Variants in RHOBTB1 observed in about 807,000 individuals in gnomAD.
The protein encoded by RHOBTB1 is Rho related BTB domain containing 1, also known as rho-related BTB domain-containing protein 1.
RHOBTB1 carries 40 observed loss-of-function variants against 71.6 expected under a neutral mutation model. The ratio of observed to expected loss-of-function variants is 0.56; its 90% confidence interval spans 0.43 to 0.73. RHOBTB1 has a LOEUF of 0.73. Among genes scored for constraint, RHOBTB1 ranks in the 30% least tolerant of loss-of-function variants. The pLI, the probability that RHOBTB1 is intolerant of heterozygous loss-of-function variation, is 0.00. For missense variants in RHOBTB1, 797 were observed against 894.0 expected, an observed-to-expected ratio of 0.89 and a Z score of 1.38; for synonymous variants, 319 against 334.9, an observed-to-expected ratio of 0.95 and a Z score of 0.52.
intron 7 of RHOBTB1, among the ~76,000 whole-genome samples, chr10:60,882,810 G>A (rs1486321744): frequency 5.3e-5 from 8 of 152,098 alleles, no homozygotes; most frequent in Non-Finnish European, 7.4e-5. Flanking sequence ...AGGGAACTGG[G>A]GGCTTTTTAA....
chr10:60,895,800 A>T (rs1174157829), intron 4 of RHOBTB1, among the ~76,000 whole-genome samples: 2 of 152,284 alleles, frequency 1.3e-5, no homozygotes, highest in South Asian at 2.1e-4. Flanking sequence ...TTACATAAAG[A>T]TTACACAGAA....
At chr10:60,934,658 C>G (rs577652760) in intron 2 of RHOBTB1, among the ~76,000 whole-genome samples, 2 of 152,278 alleles carry the variant, frequency 1.3e-5, no homozygotes, top group Non-Finnish European at 2.9e-5. Context: ...TACTTGAAGC[C>G]TCTTTCCAGG....
At chr10:60,861,862 A>G in the RHOBTB1 span, among the ~76,000 whole-genome samples, 2 of 152,230 alleles carry the variant, frequency 1.3e-5, no homozygotes, top group Non-Finnish European at 2.9e-5. Flanking sequence ...CTAATGGTCA[A>G]TAAAACCATT....
intron 2 of RHOBTB1, among the ~76,000 whole-genome samples, chr10:60,938,760 T>G (rs1159896310): frequency 6.6e-6 from 1 of 152,162 alleles, no homozygotes; most frequent in Non-Finnish European, 1.5e-5. Flanking sequence ...AAATATATAT[T>G]CAAGTTCTTA....
At chr10:60,880,148 A>T (rs1200238135) in intron 7 of RHOBTB1, among the ~76,000 whole-genome samples, 1 of 148,172 alleles carries the variant, frequency 6.7e-6, no homozygotes, top group Non-Finnish European at 1.5e-5. Context: ...TGGTCCTGGA[A>T]CCAGTCCCTC....
At chr10:60,997,872 C>T (rs975219581) in intron 1 of RHOBTB1, among the ~76,000 whole-genome samples, 1 of 152,216 alleles carries the variant, frequency 6.6e-6, no homozygotes, top group African/African-American at 2.4e-5. Context: ...CTCCTTACTG[C>T]TGTTGACTGG....
chr10:60,927,101 G>T (rs191321934), intron 2 of RHOBTB1, among the ~76,000 whole-genome samples: 1 of 152,076 alleles, frequency 6.6e-6, no homozygotes, highest in African/African-American at 2.4e-5. Context: ...AAGAAATCAA[G>T]AAAGTAATCC....
chr10:60,865,774 A>C (rs1347447945), downstream of RHOBTB1, among the ~76,000 whole-genome samples: 1 of 152,028 alleles, frequency 6.6e-6, no homozygotes, highest in Non-Finnish European at 1.5e-5. Context: ...TTCCCTTCCC[A>C]CACATGCCTA....
chr10:60,892,481 T>G (rs1287169478), intron 5 of RHOBTB1, among the ~76,000 whole-genome samples: 1 of 152,220 alleles, frequency 6.6e-6, no homozygotes, highest in Non-Finnish European at 1.5e-5. Flanking sequence ...AATTATAATT[T>G]CAAGGATGAC....
rs758372328 is a variant in RHOBTB1 at position 60,911,421 on chromosome 10, G to A, written c.122C>T (p.Thr41Met). The A allele has an allele frequency of 6.2e-6, 10 of 1,614,054 alleles. No homozygotes were observed. In the Admixed American group the frequency reaches 6.7e-5, roughly 11 times the overall value. The change falls in exon 3 of 11, where the codon ACG becomes ATG. Residue 41 changes from threonine (T) to methionine (M), a missense_variant. Thr to Met is a moderately conservative substitution (Grantham distance 81). Transcript: ENST00000337910. ...GTGGGTGGCCAGCAGCTGATACTGC[G>A]TGAGTGTGGTGTTGCACGCCCTGGC... ...ICARACNTTLTQYQLLATHVP... is the reference protein window; with the variant it reads ...ICARACNTTLMQYQLLATHVP...
Position 60,888,883 on chromosome 10 carries a change from T to C in RHOBTB1, c.785A>G (p.Asn262Ser), listed in dbSNP as rs766069785. Reference protein sequence around the residue: ...GTNEAACLLDNPLCADVLFIL... With the variant: ...GTNEAACLLDSPLCADVLFIL... ...GAACAGAACATCGGCACATAGAGGA[T>C]TGTCCAGTAAACAGGCAGCTTCATT... Residue 262 changes from asparagine (N) to serine (S), a missense_variant, in exon 6 of 11, where the codon AAT becomes AGT. By Grantham distance (46) the Asn-to-Ser change is conservative (BLOSUM62 1). Coordinates refer to ENST00000337910, the MANE Select transcript of RHOBTB1 (RefSeq NM_014836.5). The C allele has an allele frequency of 9.4e-5, 152 of 1,614,074 alleles. 1 individual carries two copies. The highest frequency in any genetic ancestry group is 5.4e-4 in the South Asian group (49 of 91,088).
downstream of RHOBTB1, among the ~76,000 whole-genome samples, chr10:60,869,285 C>G (rs2080670959): frequency 6.6e-6 from 1 of 152,126 alleles, no homozygotes. Flanking sequence ...TGACAATACC[C>G]AATACAAAAA....
chr10:60,941,755 C>T (rs1363567974), intron 2 of RHOBTB1, 49 bp downstream of exon 2: 1 of 152,398 alleles, frequency 6.6e-6, no homozygotes, highest in Non-Finnish European at 1.5e-5. Flanking sequence ...CAAAATTAGA[C>T]ACAGGATGTT....
At chr10:60,983,696 AC>A (rs1452222245) in intron 2 of RHOBTB1, among the ~76,000 whole-genome samples, 2 of 152,282 alleles carry the variant, frequency 1.3e-5, no homozygotes, top group African/African-American at 4.8e-5. Flanking sequence ...GCATGTAATA[AC>A]CCCCTAAAGA....
chr10:60,991,952 C>G (rs1243252115), intron 1 of RHOBTB1, among the ~76,000 whole-genome samples: 1 of 152,142 alleles, frequency 6.6e-6, no homozygotes. Context: ...AGTCCATAGG[C>G]TAAATGGAGG....
upstream of RHOBTB1, among the ~76,000 whole-genome samples, chr10:60,947,305 A>G (rs995047407): frequency 1.3e-5 from 2 of 152,216 alleles, no homozygotes; most frequent in African/African-American, 4.8e-5. Context: ...GCAACATTGT[A>G]TCTTTAAACA....
At chr10:60,897,739 C>T (rs745586017) in intron 4 of RHOBTB1, among the ~76,000 whole-genome samples, 14 of 152,100 alleles carry the variant, frequency 9.2e-5, no homozygotes, top group Non-Finnish European at 2.9e-5. Context: ...TGGAGTCTTG[C>T]TCTGTTGCCC....
intron 7 of RHOBTB1, among the ~76,000 whole-genome samples, chr10:60,883,462 A>T (rs1386450017): frequency 9.2e-5 from 14 of 152,206 alleles, no homozygotes. Flanking sequence ...CAGCTCTGAC[A>T]GTGTCCCTTT....
chr10:60,920,380 T>G (rs2083490557), intron 2 of RHOBTB1, among the ~76,000 whole-genome samples: 1 of 152,054 alleles, frequency 6.6e-6, no homozygotes, highest in African/African-American at 2.4e-5. Flanking sequence ...CTGGGTGACC[T>G]GTCTGAAGAG....
Sources: gnomAD v4.1 joint callset for allele counts (sites outside exome capture counted in the v4.1 genomes callset) on GRCh38, gnomAD v4.1.1 for gene constraint, MANE v1.5 for transcripts, NCBI Gene and HGNC (gene_info 2026-07-23, HGNC 2026-07-21) for gene names.